MON2: variants seen among roughly 807,000 people sequenced by gnomAD.
MON2 encodes the protein protein MON2 homolog.
A neutral mutation model predicts 208.6 loss-of-function variants in MON2; 84 were observed. That is an observed-to-expected ratio of 0.40 (90% CI 0.34 to 0.48). The LOEUF (loss-of-function observed/expected upper bound fraction) is 0.48, where lower values mean the gene tolerates loss of function less well. Ranked by LOEUF, MON2 falls within the 20% of genes least tolerant of loss-of-function variation. The pLI is 0.59. For synonymous variants in MON2, 660 were observed against 694.0 expected (o/e 0.95, Z 0.77); for missense variants, 1,611 against 2,015.4 (o/e 0.80, Z 3.84).
At chr12:62,483,488 G>A (rs1423519406) in intron 1 of MON2, among the ~76,000 whole-genome samples, 1 of 152,160 alleles carries the variant, frequency 6.6e-6, no homozygotes, top group Admixed American at 6.5e-5. Flanking sequence ...ATCACTTGAG[G>A]TCAGGAGTTC....
chr12:62,588,206 T>C, intron 34 of MON2, 50 bp downstream of exon 34: 3 of 1,263,204 alleles, frequency 2.4e-6, no homozygotes, highest in Non-Finnish European at 3.4e-6. Flanking sequence ...TATGTTCTAT[T>C]TGTGATGGAC....
At chr12:62,519,021 C>T (rs2071856455) in intron 8 of MON2, among the ~76,000 whole-genome samples, 1 of 152,192 alleles carries the variant, frequency 6.6e-6, no homozygotes, top group Non-Finnish European at 1.5e-5. Flanking sequence ...GGAAATGGTA[C>T]ATCTCCTAGA....
Position 62,566,418 on chromosome 12 carries a change from G to C in MON2, c.4291G>C (p.Val1431Leu). Residue 1431 changes from valine to leucine, a missense_variant, in exon 29 of 35, where the codon GTG becomes CTG. Transcript: ENST00000393630. ...AAAAACAGCGTGTCACAAAGCAGTG[G>C]TGAATGAGAAAGTGCTCCAGAATAT... The part of the protein sequence containing the change: ...YQKTACHKAV[V>L]NEKVLQNIIK... 1 of 1,613,512 alleles carries C rather than the reference G, an allele frequency of 6.2e-7. No homozygotes were observed. The highest frequency in any genetic ancestry group is 8.5e-7 in the Non-Finnish European group (1 of 1,179,712).
intron 2 of MON2, among the ~76,000 whole-genome samples, 159 bp downstream of exon 2, chr12:62,484,392 T>C (rs2069635744): frequency 6.6e-6 from 1 of 152,170 alleles, no homozygotes; most frequent in Admixed American, 6.5e-5. Flanking sequence ...AGTCCATAAC[T>C]TATGAACTGA....
intron 2 of MON2, among the ~76,000 whole-genome samples, chr12:62,487,312 TA>T (rs2069859024): frequency 6.6e-6 from 1 of 152,130 alleles, no homozygotes; most frequent in African/African-American, 2.4e-5. Context: ...TATAGTATAC[TA>T]AAAATTCAGA....
At chr12:62,551,187 G>T (rs1014463781) in intron 23 of MON2, among the ~76,000 whole-genome samples, 8 of 152,026 alleles carry the variant, frequency 5.3e-5, no homozygotes, top group African/African-American at 1.9e-4. Flanking sequence ...CCAGGTTTTG[G>T]CCTGTCTTGA....
At chr12:62,468,815 A>G (rs2068640772) in intron 1 of MON2, among the ~76,000 whole-genome samples, 1 of 152,250 alleles carries the variant, frequency 6.6e-6, no homozygotes, top group Non-Finnish European at 1.5e-5. Flanking sequence ...AGAAAATATC[A>G]AACACTATTT....
At chr12:62,539,272 CTT>C (rs869061317) in intron 19 of MON2, among the ~76,000 whole-genome samples, 7 of 144,006 alleles carry the variant, frequency 4.9e-5, no homozygotes, top group Admixed American at 1.4e-4. Flanking sequence ...TCTGCCTAGT[CTT>C]TTTTTTTTTT....
intron 19 of MON2, among the ~76,000 whole-genome samples, chr12:62,539,942 C>T (rs1408835299): frequency 6.6e-6 from 1 of 151,866 alleles, no homozygotes; most frequent in Non-Finnish European, 1.5e-5. Flanking sequence ...GCGCTCCAGC[C>T]TGGGCGACAG....
intron 1 of MON2, among the ~76,000 whole-genome samples, chr12:62,469,396 A>G (rs570232600): frequency 6.6e-6 from 1 of 152,298 alleles, no homozygotes; most frequent in East Asian, 1.9e-4. Context: ...CACTGGCTAG[A>G]GAGATATTTT....
chr12:62,555,325 G>GT (rs372219338), intron 24 of MON2, among the ~76,000 whole-genome samples: 55 of 151,854 alleles, frequency 3.6e-4, no homozygotes, highest in African/African-American at 1.3e-3. Context: ...GACTACAGAT[G>GT]TATAACACCA....
At chr12:62,485,792 C>T (rs1012340335) in intron 2 of MON2, among the ~76,000 whole-genome samples, 5 of 151,900 alleles carry the variant, frequency 3.3e-5, no homozygotes, top group African/African-American at 7.3e-5. Flanking sequence ...CAACCTCTGC[C>T]TCCTGGGTTC....
In MON2 at chr12:62,509,692, G is replaced by A. The variant is rs1351338770; in HGVS notation, c.984+1212G>A. Among the ~76,000 whole-genome samples, 5 of 152,132 alleles carry A rather than the reference G, an allele frequency of 3.3e-5. No homozygotes were observed. In the East Asian group the frequency reaches 5.8e-4, roughly 18 times the overall value. On this transcript the variant is annotated intron_variant, in intron 8 of 34. Transcript: ENST00000393630. ...TTTAAGAAGATTGTAATCATACCAG[G>A]TATCTTCTGTGACCAAAATGGAATC...
At chr12:62,529,078 G>A (rs979798648) in intron 11 of MON2, among the ~76,000 whole-genome samples, 2 of 151,972 alleles carry the variant, frequency 1.3e-5, no homozygotes, top group African/African-American at 4.8e-5. Flanking sequence ...TTACCATTTA[G>A]CCCCATTTAT....
chr12:62,477,908 G>A lies in MON2; in HGVS notation c.112-6262G>A, dbSNP rs1346167073. On this transcript the variant is annotated intron_variant, in intron 1 of 34. Transcript: ENST00000393630. Reference sequence around the variant, plus strand: ...TTTGAGGTGTGGAATGGCTGCAGCCGTTGTTGCCAAGGTTGGATGTAGCCT... The same window carrying A: ...TTTGAGGTGTGGAATGGCTGCAGCCATTGTTGCCAAGGTTGGATGTAGCCT... Among the ~76,000 whole-genome samples, 7 of 152,290 alleles carry A rather than the reference G, an allele frequency of 4.6e-5. No individual in the cohort carries two copies. The South Asian group carries it at 6.2e-4, about 14-fold the overall frequency.
In MON2 at chr12:62,566,585, C is replaced by G. The variant is rs562644944; in HGVS notation, c.4323+135C>G. The G allele has an allele frequency of 9.6e-6, 9 of 936,584 alleles. No individual in the cohort carries two copies. The Admixed American group carries it at 3.3e-4, about 34-fold the overall frequency. 58.0% of individuals were successfully genotyped at this position (936,584 alleles called of 1,614,324 possible). On this transcript the variant is annotated intron_variant, in intron 29 of 34. Coordinates refer to ENST00000393630, the MANE Select transcript of MON2 (RefSeq NM_015026.3). ...TAGTATTATTTGTAATGACTTTTCT[C>G]CAATATTCATGAATTGTATTTAGCA...
At position 62,483,719 on chromosome 12, in the gene MON2, CAATA is replaced by C. The variant is rs572713499; in HGVS notation, c.112-439_112-436del. On this transcript the variant is annotated intron_variant, in intron 1 of 34. Coordinates refer to ENST00000393630, the MANE Select transcript of MON2 (RefSeq NM_015026.3). ...CAACAAGAGCAAAAAACTCCATCAA[CAATA>C]AATAAATAAATCCAACACAGTAGTT... 1.1e-3 allele frequency among the ~76,000 whole-genome samples: 160 copies of C among 152,054 alleles called. 2 individuals carry two copies. The highest frequency in any genetic ancestry group is 3.7e-3 in the African/African-American group (152 of 41,502).
Position 62,546,149 on chromosome 12 carries a change from C to T in MON2, c.2578-748C>T, listed in dbSNP as rs191374817. On this transcript the variant is annotated intron_variant, in intron 21 of 34. Coordinates refer to ENST00000393630, the MANE Select transcript of MON2 (RefSeq NM_015026.3). ...TATTCATTTTTTATAAGTATTATAG[C>T]TTCTATTACTACATCACACTTGAGA... Among the ~76,000 whole-genome samples the T allele has an allele frequency of 1.8e-3, 272 of 152,132 alleles. 1 individual carries two copies. Among genetic ancestry groups the T allele is most frequent in the African/African-American group, 6.4e-3 (266 of 41,534 alleles).
At chr12:62,523,310 A>G (rs542963977) in intron 8 of MON2, among the ~76,000 whole-genome samples, 1 of 152,200 alleles carries the variant, frequency 6.6e-6, no homozygotes, top group South Asian at 2.1e-4. Context: ...TTCTCATTTG[A>G]TTTCCCAGAA....
Sources: allele counts gnomAD v4.1 joint callset (sites outside exome capture counted in the v4.1 genomes callset), GRCh38; gene constraint gnomAD v4.1.1; transcripts MANE v1.5; gene names NCBI Gene and HGNC (gene_info 2026-07-23, HGNC 2026-07-21).